Variants in FMN1 observed in about 807,000 individuals in gnomAD.
FMN1 encodes the protein formin-1.
FMN1 carries 110 observed loss-of-function variants against 132.4 expected under a neutral mutation model. The ratio of observed to expected loss-of-function variants is 0.83; its 90% confidence interval spans 0.71 to 0.97. The LOEUF (loss-of-function observed/expected upper bound fraction) is 0.97. Among genes scored for constraint, FMN1 ranks in the 50% least tolerant of loss-of-function variants. FMN1 has a pLI of 0.00. For synonymous variants in FMN1, 722 were observed against 651.7 expected (o/e 1.11, Z -1.64); for missense variants, 1,792 against 1,705.3 (o/e 1.05, Z -0.90).
intron 9 of FMN1, among the ~76,000 whole-genome samples, chr15:32,948,880 T>C (rs764429283): frequency 3.3e-5 from 5 of 152,072 alleles, no homozygotes; most frequent in South Asian, 2.1e-4. Context: ...CCACAGAAAA[T>C]TGCAAATATT....
At chr15:33,000,193 T>A (rs2034012219) in intron 7 of FMN1, among the ~76,000 whole-genome samples, 2 of 152,180 alleles carry the variant, frequency 1.3e-5, no homozygotes, top group African/African-American at 4.8e-5. Context: ...CTCACGCCTG[T>A]AATCCCAGCA....
chr15:33,017,609 G>T (rs942302311), intron 6 of FMN1, among the ~76,000 whole-genome samples: 4 of 152,178 alleles, frequency 2.6e-5, no homozygotes, highest in Non-Finnish European at 5.9e-5. Flanking sequence ...GAAATCCCAT[G>T]AATTTAGGAA....
chr15:33,181,665 G>A lies in FMN1; in HGVS notation c.-196-1403C>T, dbSNP rs1965704933. Reference sequence around the variant, plus strand: ...TTATTGGAGAGTTTTGCATTGCGGAGAGACAAGATCTGATTATATTCTTTT... The same window carrying A: ...TTATTGGAGAGTTTTGCATTGCGGAAAGACAAGATCTGATTATATTCTTTT... On this transcript the variant is annotated intron_variant, in intron 2 of 20. Coordinates refer to ENST00000616417, the MANE Select transcript of FMN1 (RefSeq NM_001277313.2). Among the ~76,000 whole-genome samples, 3 of 151,892 alleles carry A rather than the reference G, an allele frequency of 2.0e-5. No individual in the cohort carries two copies. In the South Asian group the frequency reaches 6.3e-4, roughly 32 times the overall value.
chr15:32,884,854 C>T (rs1452828648), intron 16 of FMN1, among the ~76,000 whole-genome samples: 1 of 152,182 alleles, frequency 6.6e-6, no homozygotes, highest in Non-Finnish European at 1.5e-5. Context: ...AGCACAAGTG[C>T]TCTGTGAATT....
At chr15:32,782,009 CCA>C (rs1373129799) in intron 19 of FMN1, among the ~76,000 whole-genome samples, 1 of 152,198 alleles carries the variant, frequency 6.6e-6, no homozygotes, top group Non-Finnish European at 1.5e-5. Flanking sequence ...CAAATTCTTC[CCA>C]TTCTTCTATT....
chr15:33,127,004 A>C (rs1963147146), intron 4 of FMN1, among the ~76,000 whole-genome samples: 1 of 152,200 alleles, frequency 6.6e-6, no homozygotes, highest in African/African-American at 2.4e-5. Context: ...TCATGACTAC[A>C]TGTGGGAGTT....
At chr15:32,892,083 C>T (rs1245107852) in intron 15 of FMN1, among the ~76,000 whole-genome samples, 1 of 152,084 alleles carries the variant, frequency 6.6e-6, no homozygotes, top group Non-Finnish European at 1.5e-5. Flanking sequence ...CTAGGACTTC[C>T]AGTACTATGT....
chr15:32,927,250 G>A (rs1486462722), intron 9 of FMN1, among the ~76,000 whole-genome samples: 1 of 152,056 alleles, frequency 6.6e-6, no homozygotes, highest in Non-Finnish European at 1.5e-5. Flanking sequence ...CAAAGCTCTA[G>A]TTTTAAATTA....
intron 4 of FMN1, among the ~76,000 whole-genome samples, chr15:33,125,247 CCT>C (rs1962942054): frequency 6.6e-6 from 1 of 152,150 alleles, no homozygotes; most frequent in Non-Finnish European, 1.5e-5. Context: ...GAGGAAATAA[CCT>C]CTCTCAAAGA....
intron 7 of FMN1, among the ~76,000 whole-genome samples, chr15:32,977,699 T>C (rs1461151950): frequency 6.6e-6 from 1 of 152,152 alleles, no homozygotes; most frequent in African/African-American, 2.4e-5. Flanking sequence ...TTTGAACACA[T>C]CTCTATTCAT....
At chr15:32,820,952 G>C (rs540566834) in intron 17 of FMN1, among the ~76,000 whole-genome samples, 4 of 151,914 alleles carry the variant, frequency 2.6e-5, no homozygotes, top group African/African-American at 9.6e-5. Flanking sequence ...AGAAGGTCTC[G>C]TCTACTCCCA....
intron 9 of FMN1, among the ~76,000 whole-genome samples, chr15:32,959,569 G>C (rs1020646148): frequency 6.6e-6 from 1 of 152,190 alleles, no homozygotes; most frequent in African/African-American, 2.4e-5. Flanking sequence ...AGAAAAGCAA[G>C]CACTACACAA....
rs140414487 is a variant in FMN1 at position 33,189,017 on chromosome 15, A to T, written c.-197+4892T>A. Among the ~76,000 whole-genome samples the T allele has an allele frequency of 6.9e-3, 1,054 of 152,322 alleles. 10 individuals carry two copies. Among genetic ancestry groups the T allele is most frequent in the African/African-American group, 0.024 (987 of 41,578 alleles). ...AGGTTTTTTTGTTTCAACCTACCACAGTCTTCCTTAAGATGGTGTGGTATC... is the reference window on the plus strand; with the variant it reads ...AGGTTTTTTTGTTTCAACCTACCACTGTCTTCCTTAAGATGGTGTGGTATC... On this transcript the variant is annotated intron_variant, in intron 2 of 20. Transcript: ENST00000616417.
chr15:33,035,902 T>TTA (rs1243561018), intron 6 of FMN1, among the ~76,000 whole-genome samples: 3 of 152,128 alleles, frequency 2.0e-5, no homozygotes, highest in Admixed American at 6.5e-5. Context: ...GATTAATGGG[T>TTA]TAGTGGGTTA....
chr15:32,999,163 A>C (rs576718827), intron 7 of FMN1, among the ~76,000 whole-genome samples: 3 of 152,332 alleles, frequency 2.0e-5, no homozygotes, highest in African/African-American at 7.2e-5. Context: ...GTTTTATGAA[A>C]TCATCACATT....
At chr15:33,121,239 T>C (rs1962525809) in intron 4 of FMN1, among the ~76,000 whole-genome samples, 2 of 152,332 alleles carry the variant, frequency 1.3e-5, no homozygotes, top group Admixed American at 1.3e-4. Context: ...AAACAAAAAG[T>C]ATTCTGCAAA....
Position 33,074,795 on chromosome 15 carries a change from C to T in FMN1, c.2044-9721G>A, listed in dbSNP as rs190049953. 9.3e-3 allele frequency among the ~76,000 whole-genome samples: 1,418 copies of T among 152,082 alleles called. 6 individuals are homozygous for T. Among genetic ancestry groups the T allele is most frequent in the Non-Finnish European group, 0.015 (998 of 67,976 alleles). On this transcript the variant is annotated intron_variant, in intron 5 of 20. Transcript: ENST00000616417. ...CTTTGGGAGGCTGAGGCAGGCGGAT[C>T]ACTTGAGGCCAAGAGTTCAAGACCA...
rs761908284 is a variant in FMN1 at position 32,767,829 on chromosome 15, G to T, written c.*6481C>A. 2.6e-5 allele frequency: 4 copies of T among 152,102 alleles called. No individual in the cohort carries two copies. The highest frequency in any genetic ancestry group is 5.9e-5 in the Non-Finnish European group (4 of 68,024). 9.4% of individuals were successfully genotyped at this position (152,102 alleles called of 1,614,324 possible). A position where few individuals can be genotyped will look rare whatever the true frequency, so the allele number is the denominator to read the frequency against. On this transcript the variant is annotated 3_prime_UTR_variant, in exon 21 of 21. Transcript: ENST00000616417. ...GTCATTGCGAGCAAACAGAAGAATT[G>T]ATACTAGACTTTCCCTCTCACTCAT...
chr15:33,121,012 T>C (rs928884672), intron 4 of FMN1, among the ~76,000 whole-genome samples: 4 of 152,284 alleles, frequency 2.6e-5, no homozygotes, highest in East Asian at 3.9e-4. Context: ...GTCTTAATTA[T>C]AGGATAGTAC....
Sources: gnomAD v4.1 joint callset for allele counts (sites outside exome capture counted in the v4.1 genomes callset) on GRCh38, gnomAD v4.1.1 for gene constraint, MANE v1.5 for transcripts, NCBI Gene and HGNC (gene_info 2026-07-23, HGNC 2026-07-21) for gene names.